The following PELO variants were observed in gnomAD, a reference collection of about 807,000 sequenced individuals.
The protein encoded by PELO is pelota mRNA surveillance and ribosome rescue factor, also known as protein pelota homolog.
A neutral mutation model predicts 25.9 loss-of-function variants in PELO; 19 were observed. That is an observed-to-expected ratio of 0.73 (90% CI 0.51 to 1.08). PELO has a LOEUF of 1.08. Ranked by LOEUF, PELO falls within the 50% of genes least tolerant of loss-of-function variation. PELO has a pLI of 0.00. For missense variants in PELO, 498 were observed against 491.4 expected, an observed-to-expected ratio of 1.01 and a Z score of -0.13; for synonymous variants, 196 against 192.2, an observed-to-expected ratio of 1.02 and a Z score of -0.16.
intron 1 of PELO, among the ~76,000 whole-genome samples, chr5:52,793,695 T>C (rs1379175723): frequency 6.6e-6 from 1 of 152,044 alleles, no homozygotes; most frequent in East Asian, 1.9e-4. Flanking sequence ...AGATATAACA[T>C]TGTTCCTCTC....
intron 1 of PELO, among the ~76,000 whole-genome samples, chr5:52,793,583 TATGGTACTTTTTACC>T (rs1484749015): frequency 1.1e-4 from 16 of 152,108 alleles, no homozygotes; most frequent in African/African-American, 3.9e-4. Flanking sequence ...ATATACAGTG[TATGGTACTTTTTACC>T]ATGGTACTTT....
chr5:52,801,700 G>C lies in PELO; in HGVS notation c.1018G>C (p.Ala340Pro). 6.2e-7 allele frequency: 1 copy of C among 1,614,172 alleles called. No homozygotes were observed. The highest frequency in any genetic ancestry group is 1.3e-5 in the African/African-American group (1 of 75,062). The change falls in exon 3 of 3, where the codon GCA (alanine) becomes CCA (proline). Residue 340 changes from alanine (A) to proline (P), a missense_variant. Transcript: ENST00000274311. The stretch of plus-strand genomic sequence containing the variant: ...GCTGGTGGACAGTGTGAAAGAGAAT[G>C]CAGGCACCGTTAGGATATTCTCTAG... ...VRLVDSVKEN[A>P]GTVRIFSSLH... is the part of the protein sequence containing the mutation.
rs1459348840 is a variant in PELO, at chr5:52,800,080, C to A, written c.-315C>A. The stretch of plus-strand genomic sequence containing the variant: ...CGTGCGTCGGGTCGCGGGACGGGGG[C>A]TGCGCATGCGCCTTCATTTCGTCAG... On this transcript the variant is annotated 5_prime_UTR_variant, in exon 2 of 3. In the 5' UTR this introduces an upstream ATG that the reference lacks. Coordinates refer to ENST00000274311, the MANE Select transcript of PELO (RefSeq NM_015946.5). 1 of 348,636 alleles carries A rather than the reference C, an allele frequency of 2.9e-6. No homozygotes were observed. Among genetic ancestry groups the A allele is most frequent in the East Asian group, 6.5e-5 (1 of 15,462 alleles). 21.6% of individuals were successfully genotyped at this position (348,636 alleles called of 1,614,324 possible). A position where few individuals can be genotyped will look rare whatever the true frequency, so the allele number is the denominator to read the frequency against.
chr5:52,801,656 C>G lies in PELO; in HGVS notation c.974C>G (p.Thr325Arg). 6.2e-7 allele frequency: 1 copy of G among 1,614,164 alleles called. No homozygotes were observed. Among genetic ancestry groups the G allele is most frequent in the Non-Finnish European group, 8.5e-7 (1 of 1,180,020 alleles). The change falls in exon 3 of 3, where the codon ACA becomes AGA. Residue 325 changes from threonine to arginine, a missense_variant. Thr to Arg is a moderately conservative substitution (Grantham distance 71). Coordinates refer to ENST00000274311, the MANE Select transcript of PELO (RefSeq NM_015946.5). ...DELFRHQDVA[T>R]RSRYVRLVDS... Reference sequence around the variant, plus strand: ...CTCTTCAGGCATCAGGATGTAGCCACACGGAGCCGGTATGTGAGGCTGGTG... The same window carrying G: ...CTCTTCAGGCATCAGGATGTAGCCAGACGGAGCCGGTATGTGAGGCTGGTG...
intron 1 of PELO, among the ~76,000 whole-genome samples, chr5:52,790,610 C>T (rs1457801104): frequency 6.6e-6 from 1 of 152,206 alleles, no homozygotes; most frequent in Admixed American, 6.5e-5. Flanking sequence ...TTCAGATCTT[C>T]CCCCATGACT....
In PELO at chr5:52,800,999, T is replaced by C. The variant is rs1261694382; in HGVS notation, c.605T>C (p.Val202Ala). Reference protein sequence around the residue: ...AIQRHIHFDVVKCILVASPGF... With the variant: ...AIQRHIHFDVAKCILVASPGF... The stretch of plus-strand genomic sequence containing the variant: ...CAGCGCCACATACACTTTGATGTTG[T>C]AAAGTGCATCCTGGTGGCCAGCCCA... Residue 202 changes from valine to alanine, a missense_variant, in exon 2 of 3, where the codon GTA becomes GCA. Transcript: ENST00000274311. 2 of 1,614,136 alleles carry C rather than the reference T, an allele frequency of 1.2e-6. No homozygotes were observed. Among genetic ancestry groups the C allele is most frequent in the Non-Finnish European group, 1.7e-6 (2 of 1,180,020 alleles).
At chr5:52,797,558 T>C (rs1389934710) in intron 1 of PELO, among the ~76,000 whole-genome samples, 2 of 151,856 alleles carry the variant, frequency 1.3e-5, no homozygotes, top group Admixed American at 1.3e-4. Flanking sequence ...ATCCTCTAGG[T>C]TGGTTCCCAA....
At chr5:52,795,618 T>C (rs1287153318) in intron 1 of PELO, among the ~76,000 whole-genome samples, 1 of 151,912 alleles carries the variant, frequency 6.6e-6, no homozygotes, top group Non-Finnish European at 1.5e-5. Context: ...CCAAAGATTA[T>C]CCATCAGTCA....
At chr5:52,792,579 G>A (rs945704590) in intron 1 of PELO, among the ~76,000 whole-genome samples, 3 of 152,138 alleles carry the variant, frequency 2.0e-5, no homozygotes, top group Non-Finnish European at 4.4e-5. Flanking sequence ...GACTTCAGTA[G>A]ATAGATGCTC....
chr5:52,802,084 T>C lies in PELO; in HGVS notation c.*244T>C, dbSNP rs948375237. 2.4e-5 allele frequency: 10 copies of C among 420,598 alleles called. No homozygotes were observed. Among genetic ancestry groups the C allele is most frequent in the African/African-American group, 4.0e-5 (2 of 49,972 alleles). 26.1% of individuals were successfully genotyped at this position (420,598 alleles called of 1,614,324 possible). On this transcript the variant is annotated 3_prime_UTR_variant, in exon 3 of 3. Coordinates refer to ENST00000274311, the MANE Select transcript of PELO (RefSeq NM_015946.5). ...ATTGTGTAATTTTTTATAGGAATTA[T>C]GAGTTATCTGTAGTACTTGGAAACA...
Position 52,801,068 on chromosome 5 carries a change from C to T in PELO, c.674C>T (p.Ala225Val). 1.2e-6 allele frequency: 2 copies of T among 1,612,170 alleles called. No individual in the cohort carries two copies. Among genetic ancestry groups the T allele is most frequent in the Non-Finnish European group, 1.7e-6 (2 of 1,178,942 alleles). The change falls in exon 2 of 3, where the codon GCA becomes GTA. Residue 225 changes from alanine (A) to valine (V), a missense_variant. Coordinates refer to ENST00000274311, the MANE Select transcript of PELO (RefSeq NM_015946.5). ...TTCTGCGACTACCTGTTTCAACAAG[C>T]AGTGAAGACCGACAACAAACTGCTC... ...EQFCDYLFQQ[A>V]VKTDNKLLLE...
intron 1 of PELO, among the ~76,000 whole-genome samples, chr5:52,794,077 A>T (rs1748292758): frequency 6.7e-6 from 1 of 149,824 alleles, no homozygotes; most frequent in Non-Finnish European, 1.5e-5. Context: ...TTTATGTGTT[A>T]AAAAAAATCA....
At chr5:52,788,455 G>T (rs1318314125) in intron 1 of PELO, 41 bp downstream of exon 1, 19 of 1,430,586 alleles carry the variant, frequency 1.3e-5, no homozygotes, top group East Asian at 3.0e-5. Flanking sequence ...CTGCTCGCGG[G>T]CTTGGGGCTT....
chr5:52,799,746 G>C (rs549319510), intron 1 of PELO, 139 bp from the exon 2 acceptor site: 38 of 153,386 alleles, frequency 2.5e-4, no homozygotes, highest in African/African-American at 8.9e-4. Flanking sequence ...TGGGCCGTTG[G>C]GGCCAAATCT....
intron 1 of PELO, among the ~76,000 whole-genome samples, chr5:52,790,771 A>C (rs954007929): frequency 9.9e-5 from 15 of 152,228 alleles, no homozygotes; most frequent in Admixed American, 4.6e-4. Context: ...ATCTAAGATA[A>C]CATATTCACA....
At chr5:52,798,224 G>C (rs1353383724) in intron 1 of PELO, among the ~76,000 whole-genome samples, 2 of 152,212 alleles carry the variant, frequency 1.3e-5, no homozygotes, top group South Asian at 2.1e-4. Context: ...AAGGCAATGT[G>C]AATTAGGAAC....
intron 1 of PELO, among the ~76,000 whole-genome samples, chr5:52,797,324 A>T (rs867169990): frequency 2.4e-4 from 36 of 152,114 alleles, no homozygotes; most frequent in East Asian, 7.7e-4. Context: ...TTAAAAAAAA[A>T]TTTTTTTAAC....
chr5:52,800,164 C>G lies in PELO; in HGVS notation c.-231C>G, dbSNP rs1213805403. ...AGGGGTAGATTTTCGCTGCAGTGTT[C>G]CCCGAGCCTGTTAGACGCAGCGCGC... On this transcript the variant is annotated 5_prime_UTR_variant, in exon 2 of 3. Coordinates refer to ENST00000274311, the MANE Select transcript of PELO (RefSeq NM_015946.5). The G allele has an allele frequency of 5.3e-6, 3 of 566,802 alleles. No homozygotes were observed. The highest frequency in any genetic ancestry group is 4.0e-5 in the South Asian group (2 of 49,748). The allele number at this position is 566,802 out of a possible 1,614,324, so 35.1% of individuals were successfully genotyped here.
Position 52,788,326 on chromosome 5 carries a change from GC to G in PELO, c.-594del, listed in dbSNP as rs1229537581. The G allele has an allele frequency of 6.7e-7, 1 of 1,488,636 alleles. No individual in the cohort carries two copies. The highest frequency in any genetic ancestry group is 1.3e-5 in the South Asian group (1 of 79,442). The allele number at this position is 1,488,636 out of a possible 1,614,324, so 92.2% of individuals were successfully genotyped here. On this transcript the variant is annotated 5_prime_UTR_variant, in exon 1 of 3. Coordinates refer to ENST00000274311, the MANE Select transcript of PELO (RefSeq NM_015946.5). ...CGGTCCTGCCCTGCGAACCAGCGCG[GC>G]CCCCTGGCGCTGAGGCTGCTCCGGC...
Sources: gnomAD v4.1 joint callset for allele counts (sites outside exome capture counted in the v4.1 genomes callset) on GRCh38, gnomAD v4.1.1 for gene constraint, MANE v1.5 for transcripts, NCBI Gene and HGNC (gene_info 2026-07-23, HGNC 2026-07-21) for gene names.